ADAM18: variants seen among roughly 807,000 people sequenced by gnomAD.
ADAM18 encodes the protein ADAM metallopeptidase domain 18, also known as disintegrin and metalloproteinase domain-containing protein 18.
ADAM18 carries 117 observed loss-of-function variants against 94.4 expected under a neutral mutation model. That is an observed-to-expected ratio of 1.24 (90% confidence interval 1.07 to 1.45). ADAM18 has a LOEUF of 1.45. Among genes scored for constraint, ADAM18 ranks in the 40% most tolerant of loss-of-function variants. The pLI is 0.00. For synonymous variants in ADAM18, 327 were observed against 291.6 expected, an observed-to-expected ratio of 1.12 and a Z score of -1.24; for missense variants, 936 against 880.0, an observed-to-expected ratio of 1.06 and a Z score of -0.81.
At chr8:39,642,517 T>C (rs1820263585) in intron 10 of ADAM18, among the ~76,000 whole-genome samples, 1 of 151,986 alleles carries the variant, frequency 6.6e-6, no homozygotes, top group Admixed American at 6.6e-5. Flanking sequence ...AGAGAATTCT[T>C]TCCCCTTTGC....
chr8:39,703,676 G>C (rs1482268269), intron 17 of ADAM18, among the ~76,000 whole-genome samples: 1 of 151,974 alleles, frequency 6.6e-6, no homozygotes, highest in Non-Finnish European at 1.5e-5. Flanking sequence ...AGTTTATTGA[G>C]AGTTTTTAAC....
chr8:39,642,663 T>A (rs1051795805), intron 10 of ADAM18, among the ~76,000 whole-genome samples: 1 of 152,102 alleles, frequency 6.6e-6, no homozygotes, highest in African/African-American at 2.4e-5. Flanking sequence ...TGTAGCCCTA[T>A]AGTATAGTTT....
intron 7 of ADAM18, among the ~76,000 whole-genome samples, chr8:39,631,757 A>G (rs1819936755): frequency 1.3e-5 from 2 of 152,130 alleles, no homozygotes; most frequent in South Asian, 4.1e-4. Flanking sequence ...TCACTTTGGA[A>G]AGAATTGTGA....
At chr8:39,659,395 A>C (rs1820771242) in intron 12 of ADAM18, among the ~76,000 whole-genome samples, 2 of 152,060 alleles carry the variant, frequency 1.3e-5, no homozygotes. Context: ...GCAAATACAC[A>C]AAAAAGCAAG....
chr8:39,682,675 T>C (rs988434210), intron 16 of ADAM18, among the ~76,000 whole-genome samples: 4 of 152,334 alleles, frequency 2.6e-5, no homozygotes, highest in African/African-American at 9.6e-5. Context: ...TATCTATAAG[T>C]TATTCTATGC....
intron 16 of ADAM18, among the ~76,000 whole-genome samples, chr8:39,691,858 A>G (rs1051860047): frequency 1.3e-5 from 2 of 151,972 alleles, no homozygotes; most frequent in African/African-American, 4.8e-5. Context: ...GACAAAAGTG[A>G]GTTGACATAT....
chr8:39,716,989 G>A lies in ADAM18; in HGVS notation c.2018-6759G>A, dbSNP rs115379329. On this transcript the variant is annotated intron_variant, in intron 18 of 19. Coordinates refer to ENST00000265707, the MANE Select transcript of ADAM18 (RefSeq NM_014237.3). Reference sequence around the variant, plus strand: ...TGACAGTCTATTTTGTCTGATATAAGTCTGACCACTTATGCTCCATTTTGG... The same window carrying A: ...TGACAGTCTATTTTGTCTGATATAAATCTGACCACTTATGCTCCATTTTGG... 6.0e-3 allele frequency among the ~76,000 whole-genome samples: 917 copies of A among 151,870 alleles called. 6 individuals are homozygous for A. Among genetic ancestry groups the A allele is most frequent in the African/African-American group, 0.021 (861 of 41,470 alleles).
Position 39,584,664 on chromosome 8 carries a change from G to A in ADAM18, c.42G>A (p.Leu14=), listed in dbSNP as rs111343122. 2,169 of 1,613,258 alleles carry A rather than the reference G, an allele frequency of 1.3e-3. 32 individuals are homozygous for A. In the African/African-American group the frequency reaches 0.026, roughly 19 times the overall value. ...CCCTCCTCACTGAGCTTGGAAGACT[G>A]CAAGCCCACGAAGGTAAGTCCATGG... ...LLALLTELGR[L]QAHEGSEGIF... is the part of the protein sequence containing the mutation. The change falls in exon 1 of 20, where the codon CTG becomes CTA. Residue 14 remains leucine, a synonymous_variant. Transcript: ENST00000265707.
intron 19 of ADAM18, 55 bp downstream of exon 19, chr8:39,723,962 G>C (rs919123826): frequency 3.7e-6 from 4 of 1,088,192 alleles, no homozygotes; most frequent in Non-Finnish European, 4.9e-6. Flanking sequence ...TCATTAACCA[G>C]TGTCATGCAT....
At chr8:39,584,926 G>C (rs1818353876) in intron 1 of ADAM18, among the ~76,000 whole-genome samples, 1 of 152,104 alleles carries the variant, frequency 6.6e-6, no homozygotes, top group Non-Finnish European at 1.5e-5. Context: ...GCGTCTTCTG[G>C]CATCTTCCCA....
chr8:39,647,209 A>G (rs931690862), intron 11 of ADAM18, among the ~76,000 whole-genome samples: 8 of 148,326 alleles, frequency 5.4e-5, no homozygotes, highest in African/African-American at 2.0e-4. Flanking sequence ...GTAGGAGAGC[A>G]GAGTGATAAT....
intron 10 of ADAM18, 25 bp from the exon 11 acceptor site, chr8:39,645,313 T>C (rs543160435): frequency 6.4e-7 from 1 of 1,568,334 alleles, no homozygotes; most frequent in East Asian, 2.2e-5. Flanking sequence ...CATAATAATT[T>C]TCTTTTTCAT....
In ADAM18 at chr8:39,637,267, G is replaced by A. The variant is rs767774627; in HGVS notation, c.592G>A (p.Asp198Asn). 1 of 1,599,038 alleles carries A rather than the reference G, an allele frequency of 6.3e-7. No homozygotes were observed. Among genetic ancestry groups the A allele is most frequent in the Non-Finnish European group, 8.5e-7 (1 of 1,171,774 alleles). The change falls in exon 8 of 20, where the codon GAT (aspartate) becomes AAT (asparagine). Residue 198 changes from aspartate (D) to asparagine (N), a missense_variant. Transcript: ENST00000265707. ...IYIIVEKALYDYMGSEMMAVT... is the reference protein window; with the variant it reads ...IYIIVEKALYNYMGSEMMAVT... ...AAAAATAAAATTTCTTTTTCAGTAT[G>A]ATTATATGGGATCTGAAATGATGGC...
intron 18 of ADAM18, among the ~76,000 whole-genome samples, chr8:39,721,719 T>C (rs1211793807): frequency 1.3e-5 from 2 of 151,578 alleles, no homozygotes; most frequent in Non-Finnish European, 3.0e-5. Context: ...AGTTATGTTA[T>C]CAGGATGGTT....
chr8:39,719,456 A>G (rs1822684060), intron 18 of ADAM18, among the ~76,000 whole-genome samples: 1 of 151,366 alleles, frequency 6.6e-6, no homozygotes, highest in Non-Finnish European at 1.5e-5. Context: ...AAAATGTGAT[A>G]AGTTGGACAA....
At chr8:39,632,323 T>C (rs1819951984) in intron 7 of ADAM18, among the ~76,000 whole-genome samples, 3 of 152,074 alleles carry the variant, frequency 2.0e-5, no homozygotes, top group African/African-American at 7.2e-5. Flanking sequence ...TTAACCATTC[T>C]TGCTAAGTTT....
At chr8:39,705,213 A>G (rs1324466949) in intron 17 of ADAM18, among the ~76,000 whole-genome samples, 1 of 152,094 alleles carries the variant, frequency 6.6e-6, no homozygotes, top group African/African-American at 2.4e-5. Context: ...GTGTGTTCTT[A>G]GAATTATTGC....
intron 14 of ADAM18, among the ~76,000 whole-genome samples, chr8:39,675,850 C>T (rs1210006368): frequency 6.6e-6 from 1 of 152,170 alleles, no homozygotes; most frequent in Non-Finnish European, 1.5e-5. Flanking sequence ...CTATTTCTTT[C>T]TGTTTGTTAG....
At chr8:39,661,999 A>G (rs1169654420) in intron 12 of ADAM18, among the ~76,000 whole-genome samples, 1 of 151,204 alleles carries the variant, frequency 6.6e-6, no homozygotes, top group Non-Finnish European at 1.5e-5. Flanking sequence ...GTTATCTAAT[A>G]GGAACAGGGA....
Sources: gnomAD v4.1 joint callset for allele counts (sites outside exome capture counted in the v4.1 genomes callset) on GRCh38, gnomAD v4.1.1 for gene constraint, MANE v1.5 for transcripts, NCBI Gene and HGNC (gene_info 2026-07-23, HGNC 2026-07-21) for gene names.